Variants in RTTN observed in about 807,000 individuals in gnomAD.
RTTN encodes the protein rotatin.
RTTN carries 182 observed loss-of-function variants against 269.2 expected under a neutral mutation model. That is an observed-to-expected ratio of 0.68 (90% CI 0.60 to 0.76). The LOEUF is 0.76. RTTN is among the 30% of genes least tolerant of loss of function. RTTN has a pLI of 0.00. For synonymous variants in RTTN, 1,006 were observed against 963.5 expected, an observed-to-expected ratio of 1.04 and a Z score of -0.82; for missense variants, 2,545 against 2,608.6, an observed-to-expected ratio of 0.98 and a Z score of 0.53.
rs529883973 is a variant in RTTN, at chr18:70,039,276, T to A, written c.5542-8295A>T. Among the ~76,000 whole-genome samples the A allele has an allele frequency of 8.6e-5, 13 of 151,524 alleles. No individual in the cohort carries two copies. In the South Asian group the frequency reaches 2.7e-3, roughly 32 times the overall value. ...TTAAGATATTTCATAATCAAACTCC[T>A]AAAGGTCAAGGATAAAGAAAAGATC... On this transcript the variant is annotated intron_variant, in intron 40 of 48. Transcript: ENST00000640769.
chr18:70,120,080 T>C (rs916354331), intron 26 of RTTN, among the ~76,000 whole-genome samples: 2 of 152,166 alleles, frequency 1.3e-5, no homozygotes, highest in South Asian at 2.1e-4. Flanking sequence ...CCCTCATGAA[T>C]AGACTAATCC....
intron 40 of RTTN, among the ~76,000 whole-genome samples, chr18:70,032,104 C>A (rs1343302767): frequency 1.3e-5 from 2 of 152,206 alleles, no homozygotes; most frequent in Non-Finnish European, 2.9e-5. Context: ...TATAGCGGAG[C>A]ATGGCCAAGG....
At chr18:70,100,232 T>A (rs2059122105) in intron 28 of RTTN, among the ~76,000 whole-genome samples, 2 of 152,254 alleles carry the variant, frequency 1.3e-5, no homozygotes, top group South Asian at 4.1e-4. Context: ...TTCTTCCATT[T>A]GTTTGTGTCC....
chr18:70,074,846 CAAAT>C (rs1356571756), intron 33 of RTTN: 2 of 151,434 alleles, frequency 1.3e-5, no homozygotes, highest in South Asian at 2.1e-4. Flanking sequence ...AATATTGTGA[CAAAT>C]AAGTAACATA....
At chr18:70,020,000 G>C (rs1486177098) in intron 45 of RTTN, 1 of 152,058 alleles carries the variant, frequency 6.6e-6, no homozygotes, top group East Asian at 1.9e-4. Context: ...AAATTTGAAG[G>C]GATTTTCCCA....
At chr18:70,064,355 A>G (rs1285992548) in intron 35 of RTTN, among the ~76,000 whole-genome samples, 2 of 151,472 alleles carry the variant, frequency 1.3e-5, no homozygotes, top group African/African-American at 4.8e-5. Flanking sequence ...AAAAAAAAAA[A>G]AAAAGCGTTA....
intron 35 of RTTN, among the ~76,000 whole-genome samples, chr18:70,065,203 G>C (rs2058097966): frequency 1.4e-5 from 2 of 145,624 alleles, no homozygotes; most frequent in Admixed American, 1.4e-4. Flanking sequence ...TTTCTTTTTA[G>C]ATAGTATAGT....
At chr18:70,022,603 T>C (rs1207278774) in intron 44 of RTTN, among the ~76,000 whole-genome samples, 1 of 152,200 alleles carries the variant, frequency 6.6e-6, no homozygotes, top group Non-Finnish European at 1.5e-5. Flanking sequence ...CTTCTTCATC[T>C]TCTCTCCTCA....
intron 46 of RTTN, among the ~76,000 whole-genome samples, chr18:70,015,536 G>T (rs982703964): frequency 6.6e-6 from 1 of 152,124 alleles, no homozygotes; most frequent in African/African-American, 2.4e-5. Context: ...CGAGGCATAG[G>T]CTGTGACATC....
intron 3 of RTTN, among the ~76,000 whole-genome samples, chr18:70,203,295 C>T (rs534468199): frequency 3.3e-5 from 5 of 152,056 alleles, no homozygotes; most frequent in African/African-American, 7.2e-5. Flanking sequence ...CTCCGCCCCC[C>T]GGGTTCAAGT....
chr18:70,029,061 C>A (rs1456209083), intron 42 of RTTN, among the ~76,000 whole-genome samples: 1 of 151,024 alleles, frequency 6.6e-6, no homozygotes, highest in Non-Finnish European at 1.5e-5. Context: ...CTCCATGTTT[C>A]ATCTCAATAA....
chr18:70,196,719 T>TTAA (rs2061818554), intron 6 of RTTN, 71 bp from the exon 7 acceptor site: 1 of 1,441,072 alleles, frequency 6.9e-7, no homozygotes, highest in Non-Finnish European at 9.6e-7. Context: ...AATGTGGAGC[T>TTAA]TAAGTAAGTA....
chr18:70,157,042 G>A (rs570878162), intron 14 of RTTN, among the ~76,000 whole-genome samples: 1 of 152,198 alleles, frequency 6.6e-6, no homozygotes, highest in African/African-American at 2.4e-5. Flanking sequence ...CTGCCTTCCT[G>A]TCAGAGCGCT....
intron 48 of RTTN, 139 bp from the exon 49 acceptor site, chr18:70,004,375 T>A (rs2056115541): frequency 4.1e-6 from 2 of 484,832 alleles, no homozygotes; most frequent in Admixed American, 3.7e-5. Context: ...GTAATAGCAT[T>A]CCAGAATATT....
chr18:70,196,298 A>G (rs62761760), intron 7 of RTTN, among the ~76,000 whole-genome samples: 1 of 24,194 alleles, frequency 4.1e-5, no homozygotes, highest in African/African-American at 4.3e-5. Flanking sequence ...CTTATCCAGA[A>G]AAAAAAAAAA....
chr18:70,201,829 C>T (rs759068062), intron 4 of RTTN, 65 bp downstream of exon 4: 40 of 972,422 alleles, frequency 4.1e-5, no homozygotes, highest in Non-Finnish European at 6.2e-5. Flanking sequence ...TTCACAATAA[C>T]GAAAAAAGTA....
At chr18:70,099,428 T>C (rs904953712) in intron 28 of RTTN, among the ~76,000 whole-genome samples, 7 of 152,210 alleles carry the variant, frequency 4.6e-5, no homozygotes, top group Non-Finnish European at 1.0e-4. Context: ...TTTGATGGAG[T>C]TGTTTTTTTC....
At chr18:70,038,015 G>A (rs1367060467) in intron 40 of RTTN, among the ~76,000 whole-genome samples, 1 of 151,374 alleles carries the variant, frequency 6.6e-6, no homozygotes, top group Non-Finnish European at 1.5e-5. Context: ...CAAAAGGAGA[G>A]TCTCCTTTTC....
At chr18:70,144,011 C>A (rs527823785) in intron 18 of RTTN, among the ~76,000 whole-genome samples, 1 of 152,130 alleles carries the variant, frequency 6.6e-6, no homozygotes, top group South Asian at 2.1e-4. Context: ...AGGCATGCAC[C>A]ACCAACCCCA....
Sources: allele counts gnomAD v4.1 joint callset (sites outside exome capture counted in the v4.1 genomes callset), GRCh38; gene constraint gnomAD v4.1.1; transcripts MANE v1.5; gene names NCBI Gene and HGNC (gene_info 2026-07-23, HGNC 2026-07-21).